MSI2: variants seen among roughly 807,000 people sequenced by gnomAD.
MSI2 encodes the protein musashi RNA binding protein 2.
A neutral mutation model predicts 45.6 loss-of-function variants in MSI2; 17 were observed. The ratio of observed to expected loss-of-function variants is 0.37; its 90% CI spans 0.26 to 0.56. The LOEUF (loss-of-function observed/expected upper bound fraction) is 0.56. Ranked by LOEUF, MSI2 falls within the 20% of genes least tolerant of loss-of-function variation. The pLI, the probability that MSI2 is intolerant of heterozygous loss-of-function variation, is 0.77. For synonymous variants in MSI2, 156 were observed against 158.2 expected (o/e 0.99, Z 0.11); for missense variants, 293 against 444.2 (o/e 0.66, Z 3.06).
At chr17:57,284,890 T>C (rs534371995) in intron 5 of MSI2, among the ~76,000 whole-genome samples, 2 of 151,128 alleles carry the variant, frequency 1.3e-5, no homozygotes, top group South Asian at 4.2e-4. Context: ...TCAACCAGAA[T>C]TAAAATGACC....
intron 13 of MSI2, among the ~76,000 whole-genome samples, chr17:57,677,766 C>T (rs905845387): frequency 6.6e-6 from 1 of 152,094 alleles, no homozygotes; most frequent in Admixed American, 6.5e-5. Flanking sequence ...TTTTCAATCA[C>T]TTTGATGGGG....
At chr17:57,411,327 A>G (rs1336664216) in intron 6 of MSI2, among the ~76,000 whole-genome samples, 1 of 152,220 alleles carries the variant, frequency 6.6e-6, no homozygotes, top group Non-Finnish European at 1.5e-5. Context: ...CTTTAATAAG[A>G]GCAACCCATT....
At chr17:57,352,652 G>C (rs924772105) in intron 5 of MSI2, among the ~76,000 whole-genome samples, 17 of 152,200 alleles carry the variant, frequency 1.1e-4, no homozygotes, top group Non-Finnish European at 1.6e-4. Flanking sequence ...AGGGTCAGAG[G>C]AATAAATATC....
chr17:57,331,936 C>A (rs747312087), intron 5 of MSI2, among the ~76,000 whole-genome samples: 1 of 152,120 alleles, frequency 6.6e-6, no homozygotes, highest in Non-Finnish European at 1.5e-5. Flanking sequence ...AAATCGTACT[C>A]AAAAATATCA....
intron 6 of MSI2, among the ~76,000 whole-genome samples, chr17:57,526,367 G>C (rs987841383): frequency 1.3e-4 from 11 of 83,102 alleles, no homozygotes; most frequent in Non-Finnish European, 2.3e-4. Flanking sequence ...GTGTGTGTGT[G>C]TGTGTGTGTG....
intron 9 of MSI2, among the ~76,000 whole-genome samples, chr17:57,617,008 T>C (rs982845353): frequency 4.6e-5 from 7 of 152,386 alleles, no homozygotes; most frequent in Admixed American, 3.9e-4. Context: ...AGAGTCCCAC[T>C]TCTACATTGT....
chr17:57,499,575 G>A (rs1055086569), intron 6 of MSI2, among the ~76,000 whole-genome samples: 8 of 152,124 alleles, frequency 5.3e-5, no homozygotes, highest in African/African-American at 1.9e-4. Context: ...TGGTGTTCCG[G>A]TTATCTATTG....
At chr17:57,363,297 C>T (rs1335559050) in intron 5 of MSI2, among the ~76,000 whole-genome samples, 2 of 152,192 alleles carry the variant, frequency 1.3e-5, no homozygotes, top group African/African-American at 4.8e-5. Flanking sequence ...GTTCCTAGAG[C>T]AGTCAAATCC....
rs766159469 is a variant in MSI2, at chr17:57,280,974, C to T, written c.312+18782C>T. Among the ~76,000 whole-genome samples the T allele has an allele frequency of 4.6e-5, 7 of 152,078 alleles. No homozygotes were observed. Among genetic ancestry groups the T allele is most frequent in the African/African-American group, 7.2e-5 (3 of 41,406 alleles). Reference sequence around the variant, plus strand: ...AAGAGCACTCTGCAATCCAGGGGCTCTCCCGTGAGTTCTGCCCAGGCCAGG... The same window carrying T: ...AAGAGCACTCTGCAATCCAGGGGCTTTCCCGTGAGTTCTGCCCAGGCCAGG... On this transcript the variant is annotated intron_variant, in intron 5 of 13. Coordinates refer to ENST00000284073, the MANE Select transcript of MSI2 (RefSeq NM_138962.4). This position sits in a 1 kb window ranked among gnomAD's most constrained non-coding sequence, Gnocchi z 4.2.
intron 6 of MSI2, chr17:57,448,473 G>A (rs2084938415): frequency 6.6e-6 from 1 of 152,200 alleles, no homozygotes; most frequent in South Asian, 2.1e-4. Flanking sequence ...TACGGAACAG[G>A]TTTCTCTTCC....
At chr17:57,303,227 C>T (rs949374119) in intron 5 of MSI2, among the ~76,000 whole-genome samples, 4 of 152,132 alleles carry the variant, frequency 2.6e-5, no homozygotes, top group Non-Finnish European at 4.4e-5. Flanking sequence ...TGAAAATAGA[C>T]CTTTGATGTT....
chr17:57,294,446 T>G (rs1910749993), intron 5 of MSI2, among the ~76,000 whole-genome samples: 1 of 152,186 alleles, frequency 6.6e-6, no homozygotes, highest in Non-Finnish European at 1.5e-5. Flanking sequence ...GGAGTTGAGC[T>G]TATTCTTGGG....
intron 6 of MSI2, among the ~76,000 whole-genome samples, chr17:57,470,926 G>C (rs2085423182): frequency 6.6e-6 from 1 of 152,112 alleles, no homozygotes; most frequent in Non-Finnish European, 1.5e-5. Flanking sequence ...TAAGTGACTT[G>C]CTAGTAAAGC....
intron 5 of MSI2, among the ~76,000 whole-genome samples, chr17:57,377,380 CAT>C (rs2083518343): frequency 6.6e-6 from 1 of 152,232 alleles, no homozygotes; most frequent in South Asian, 2.1e-4. Flanking sequence ...TACATCACCT[CAT>C]GTGTTGCATC....
intron 6 of MSI2, among the ~76,000 whole-genome samples, chr17:57,515,588 T>A (rs1486878954): frequency 6.6e-6 from 1 of 152,128 alleles, no homozygotes; most frequent in Non-Finnish European, 1.5e-5. Flanking sequence ...TTTGTATTAA[T>A]CCCTCTAGTG....
chr17:57,276,207 G>A (rs1353968217), intron 5 of MSI2, among the ~76,000 whole-genome samples: 1 of 152,242 alleles, frequency 6.6e-6, no homozygotes, highest in Non-Finnish European at 1.5e-5. Context: ...TTCAGCACAT[G>A]AAAGTGGCAG....
chr17:57,646,233 G>T (rs1399755851), intron 10 of MSI2, among the ~76,000 whole-genome samples: 1 of 152,198 alleles, frequency 6.6e-6, no homozygotes, highest in African/African-American at 2.4e-5. Context: ...AAAAATAACT[G>T]TGCTTAGGTA....
chr17:57,260,313 GA>G (rs1321181900), intron 4 of MSI2, among the ~76,000 whole-genome samples: 3 of 152,272 alleles, frequency 2.0e-5, no homozygotes, highest in African/African-American at 7.2e-5. Flanking sequence ...ATAATGCTCT[GA>G]TACGGCCACA....
intron 6 of MSI2, among the ~76,000 whole-genome samples, chr17:57,404,356 C>T (rs1424297820): frequency 6.6e-6 from 1 of 152,154 alleles, no homozygotes; most frequent in Non-Finnish European, 1.5e-5. Context: ...ATGCAAAGGA[C>T]AGGAAGATAT....
Sources: allele counts gnomAD v4.1 joint callset (sites outside exome capture counted in the v4.1 genomes callset), GRCh38; gene constraint gnomAD v4.1.1; non-coding constraint Gnocchi (gnomAD v3.1); transcripts MANE v1.5; gene names NCBI Gene and HGNC (gene_info 2026-07-23, HGNC 2026-07-21).